The following COL9A1 variants were observed in gnomAD, a reference collection of about 807,000 sequenced individuals.
COL9A1 encodes the protein collagen type IX alpha 1 chain, also known as collagen alpha-1(IX) chain.
Under a neutral mutation model 142.6 loss-of-function variants are expected in COL9A1, and 104 were observed. That is an observed-to-expected ratio of 0.73 (90% CI 0.62 to 0.86). COL9A1 has a LOEUF of 0.86. Ranked by LOEUF, COL9A1 falls within the 40% of genes least tolerant of loss-of-function variation. The probability of loss-of-function intolerance (pLI) is 0.00; values close to 1 mark genes in which losing one functional copy is unlikely to be tolerated. For synonymous variants in COL9A1, 466 were observed against 396.0 expected (o/e 1.18, Z -2.10); for missense variants, 1,210 against 1,176.6 (o/e 1.03, Z -0.42).
chr6:70,216,059 G>A (rs1397341078), downstream of COL9A1: 2 of 152,474 alleles, frequency 1.3e-5, no homozygotes, highest in Admixed American at 1.3e-4. Flanking sequence ...AATGTTTAAT[G>A]TATCTAAATA....
chr6:70,251,654 T>C (rs993377776), intron 28 of COL9A1, among the ~76,000 whole-genome samples: 2 of 152,146 alleles, frequency 1.3e-5, no homozygotes, highest in African/African-American at 4.8e-5. Context: ...ATAAAGTGGA[T>C]TAGTGGTTGT....
intron 31 of COL9A1, among the ~76,000 whole-genome samples, chr6:70,241,083 T>A (rs1459670650): frequency 2.0e-5 from 3 of 152,206 alleles, no homozygotes; most frequent in Non-Finnish European, 4.4e-5. Context: ...TGCTGAGGTC[T>A]TGATCAAGAA....
intron 37 of COL9A1, chr6:70,222,749 T>TA (rs1158365879): frequency 6.6e-6 from 1 of 151,974 alleles, no homozygotes; most frequent in Non-Finnish European, 1.5e-5. Flanking sequence ...CTTTTTTTTT[T>TA]TTATTCAGGA....
intron 5 of COL9A1, among the ~76,000 whole-genome samples, chr6:70,292,213 A>G (rs1773687336): frequency 6.6e-6 from 1 of 152,082 alleles, no homozygotes; most frequent in South Asian, 2.1e-4. Flanking sequence ...TGTCACTGTC[A>G]CACCTCCACC....
chr6:70,296,877 AT>A (rs1484323746), intron 4 of COL9A1, among the ~76,000 whole-genome samples: 3 of 152,064 alleles, frequency 2.0e-5, no homozygotes, highest in Admixed American at 6.5e-5. Flanking sequence ...GAAGCATGAG[AT>A]TTTTTAAAAG....
intron 33 of COL9A1, among the ~76,000 whole-genome samples, chr6:70,237,905 A>AGATCGAAATGCTTAAGTAGAG (rs1464460613): frequency 2.6e-5 from 4 of 152,228 alleles, no homozygotes; most frequent in African/African-American, 9.6e-5. Flanking sequence ...AGCTGAGGAT[A>AGATCGAAATGCTTAAGTAGAG]GATCGAAATG....
At position 70,294,229 on chromosome 6, in the gene COL9A1, T is replaced by A. The variant is rs1207030529; in HGVS notation, c.634A>T (p.Ile212Phe). ...AGCACAGCAAAGCCATCAATGTCAA[T>A]TGGGCCTCTTGGCTTTATAGGTAAA... is the stretch of plus-strand genomic sequence containing the variant. The part of the protein sequence containing the change: ...ESLPIKPRGP[I>F]DIDGFAVLGK... The change falls in exon 5 of 38, where the codon ATT (isoleucine) becomes TTT (phenylalanine). Residue 212 changes from isoleucine to phenylalanine, a missense_variant. Ile to Phe is a conservative substitution (Grantham distance 21). Coordinates refer to ENST00000357250, the MANE Select transcript of COL9A1 (RefSeq NM_001851.6). 6.2e-7 allele frequency: 1 copy of A among 1,614,100 alleles called. No individual in the cohort carries two copies. Among genetic ancestry groups the A allele is most frequent in the East Asian group, 2.2e-5 (1 of 44,886 alleles).
chr6:70,254,433 C>T (rs1392579931), intron 25 of COL9A1, 43 bp downstream of exon 25: 1 of 1,578,860 alleles, frequency 6.3e-7, no homozygotes, highest in Admixed American at 1.7e-5. Context: ...ATCTTTAAAA[C>T]ATGTATATAA....
Position 70,257,048 on chromosome 6 carries a change from A to AT in COL9A1, c.1450-228dup, listed in dbSNP as rs542296705. On this transcript the variant is annotated intron_variant, in intron 20 of 37. Transcript: ENST00000357250. ...ACACAATCTTTGATGCCACTCTGTA[A>AT]TTTTTTTTTTTTTTTTTTTTTTTTT... is the stretch of plus-strand genomic sequence containing the variant. Among the ~76,000 whole-genome samples, 3,956 of 104,904 alleles carry AT rather than the reference A, an allele frequency of 0.038. 330 individuals carry two copies. The highest frequency in any genetic ancestry group is 0.055 in the Non-Finnish European group (2,939 of 53,760). The allele number at this position is 104,904 out of a possible 152,430, so 68.8% of individuals were successfully genotyped here.
At position 70,283,764 on chromosome 6, in the gene COL9A1, A is replaced by C. The variant is rs1773321456; in HGVS notation, c.753T>G (p.Thr251=). Residue 251 remains threonine, a synonymous_variant, in exon 6 of 38, where the codon ACT becomes ACG. Transcript: ENST00000357250. ...HCDPLRPRRE[T]CHELPARITP... ...TTATTCTGGCTGGCAGCTCATGGCAAGTTTCTCTCCTGGGCCGCAGGGGGT... is the reference window on the plus strand; with the variant it reads ...TTATTCTGGCTGGCAGCTCATGGCACGTTTCTCTCCTGGGCCGCAGGGGGT... 4 of 1,612,110 alleles carry C rather than the reference A, an allele frequency of 2.5e-6. No homozygotes were observed. Among genetic ancestry groups the C allele is most frequent in the Non-Finnish European group, 3.4e-6 (4 of 1,179,278 alleles).
In COL9A1 at chr6:70,301,978, A is replaced by T; in HGVS notation, c.88+23T>A. ...TTTCTGGGAATAAGTGATCTTTGAAAGTCTAGAAACTATGGCCCTTACTGG... is the reference window on the plus strand; with the variant it reads ...TTTCTGGGAATAAGTGATCTTTGAATGTCTAGAAACTATGGCCCTTACTGG... On this transcript the variant is annotated intron_variant, in intron 2 of 37. Coordinates refer to ENST00000357250, the MANE Select transcript of COL9A1 (RefSeq NM_001851.6). 5 of 1,588,764 alleles carry T rather than the reference A, an allele frequency of 3.1e-6. 1 individual carries two copies. In the Middle Eastern group the frequency reaches 5.3e-4, roughly 168 times the overall value.
intron 36 of COL9A1, among the ~76,000 whole-genome samples, chr6:70,227,699 G>C (rs1473991266): frequency 6.6e-6 from 1 of 152,044 alleles, no homozygotes; most frequent in African/African-American, 2.4e-5. Context: ...GTACAATGTT[G>C]TTCACTGCAG....
chr6:70,228,006 GA>G (rs2127554381), intron 36 of COL9A1, among the ~76,000 whole-genome samples: 1 of 152,256 alleles, frequency 6.6e-6, no homozygotes, highest in South Asian at 2.1e-4. Flanking sequence ...TAGTGGGAAG[GA>G]GAAAGGAAAT....
At position 70,216,577 on chromosome 6, in the gene COL9A1, C is replaced by T. The variant is rs1170596160; in HGVS notation, c.*320G>A. ...ATTGGCACAGTGGCCCACGATAAGA[C>T]ACATAGGTATAGCACACTAAAGCTC... On this transcript the variant is annotated 3_prime_UTR_variant, in exon 38 of 38. Transcript: ENST00000357250. 6 of 358,168 alleles carry T rather than the reference C, an allele frequency of 1.7e-5. No homozygotes were observed. The highest frequency in any genetic ancestry group is 3.1e-5 in the Non-Finnish European group (6 of 191,774). The allele number at this position is 358,168 out of a possible 1,614,324, so 22.2% of individuals were successfully genotyped here.
At chr6:70,290,417 T>C (rs1773613327) in intron 5 of COL9A1, among the ~76,000 whole-genome samples, 1 of 152,034 alleles carries the variant, frequency 6.6e-6, no homozygotes, top group African/African-American at 2.4e-5. Context: ...ACTAACAACA[T>C]ATTACAGCAG....
intron 37 of COL9A1, among the ~76,000 whole-genome samples, chr6:70,224,894 GT>G (rs3842609): frequency 0.041 from 6,187 of 152,156 alleles, 219 homozygotes; most frequent in East Asian, 0.11. Flanking sequence ...AAACATTCAT[GT>G]TTTTTTAAAA....
chr6:70,289,365 T>C (rs1219143134), intron 5 of COL9A1, among the ~76,000 whole-genome samples: 1 of 152,190 alleles, frequency 6.6e-6, no homozygotes, highest in Non-Finnish European at 1.5e-5. Context: ...TAGTTTTCTA[T>C]TAAAAGAAAG....
rs891887021 is a variant in COL9A1 at position 70,257,671 on chromosome 6, C to T, written c.1450-850G>A. Among the ~76,000 whole-genome samples the T allele has an allele frequency of 8.5e-5, 13 of 152,160 alleles. No individual in the cohort carries two copies. The East Asian group carries it at 9.7e-4, about 11-fold the overall frequency. On this transcript the variant is annotated intron_variant, in intron 20 of 37. Coordinates refer to ENST00000357250, the MANE Select transcript of COL9A1 (RefSeq NM_001851.6). ...CTAGAGCAAGAGAATCACTTGGGCCCGAGAGGAGGAGATTGCGTTGAGTGG... is the reference window on the plus strand; with the variant it reads ...CTAGAGCAAGAGAATCACTTGGGCCTGAGAGGAGGAGATTGCGTTGAGTGG...
At chr6:70,297,516 A>G (rs372931953) in intron 4 of COL9A1, among the ~76,000 whole-genome samples, 2 of 152,168 alleles carry the variant, frequency 1.3e-5, no homozygotes, top group Non-Finnish European at 2.9e-5. Flanking sequence ...AGTCTAATTT[A>G]TAGAACAGTC....
Sources: gnomAD v4.1 joint callset for allele counts (sites outside exome capture counted in the v4.1 genomes callset) on GRCh38, gnomAD v4.1.1 for gene constraint, MANE v1.5 for transcripts, NCBI Gene and HGNC (gene_info 2026-07-23, HGNC 2026-07-21) for gene names.